BMERB1: variants seen among roughly 807,000 people sequenced by gnomAD.
BMERB1 encodes the protein bMERB domain containing 1.
BMERB1 carries 12 observed loss-of-function variants against 23.6 expected under a neutral mutation model. The ratio of observed to expected loss-of-function variants is 0.51; its 90% CI spans 0.33 to 0.82. The LOEUF is 0.82. BMERB1 is among the 40% of genes least tolerant of loss of function. The probability of loss-of-function intolerance (pLI) is 0.03; values close to 1 mark genes in which losing one functional copy is unlikely to be tolerated. For synonymous variants in BMERB1, 122 were observed against 96.6 expected (o/e 1.26, Z -1.54); for missense variants, 247 against 255.4 (o/e 0.97, Z 0.22).
At chr16:15,540,416 C>T (rs2052067473) in intron 2 of BMERB1, among the ~76,000 whole-genome samples, 1 of 151,800 alleles carries the variant, frequency 6.6e-6, no homozygotes, top group East Asian at 1.9e-4. Flanking sequence ...ATCCAAGCTA[C>T]TCAGGAGGCT....
chr16:15,501,287 CTTTTTTTTTTTTTT>C (rs71152437), intron 1 of BMERB1, among the ~76,000 whole-genome samples: 1 of 64,922 alleles, frequency 1.5e-5, no homozygotes, highest in Non-Finnish European at 2.9e-5. Flanking sequence ...GCTCTTTTTA[CTTTTTTTTTTTTTT>C]TTTTTTTTTT....
At chr16:15,531,079 T>C (rs1166820494) in intron 2 of BMERB1, among the ~76,000 whole-genome samples, 1 of 152,002 alleles carries the variant, frequency 6.6e-6, no homozygotes, top group Non-Finnish European at 1.5e-5. Context: ...TAATTTTTTT[T>C]TGTATTTTTA....
chr16:15,565,062 A>G (rs1205676208), intron 2 of BMERB1, among the ~76,000 whole-genome samples: 1 of 152,100 alleles, frequency 6.6e-6, no homozygotes, highest in African/African-American at 2.4e-5. Context: ...CAAAAAAAAA[A>G]AAAAGCACTC....
At chr16:15,557,138 C>T (rs371512073) in intron 2 of BMERB1, among the ~76,000 whole-genome samples, 3 of 152,108 alleles carry the variant, frequency 2.0e-5, no homozygotes, top group East Asian at 1.9e-4. Context: ...ATCACCTCTC[C>T]GCACCCAACG....
chr16:15,577,590 A>G lies in BMERB1; in HGVS notation c.305-3627A>G, dbSNP rs541223138. Among the ~76,000 whole-genome samples the G allele has an allele frequency of 2.0e-5, 3 of 152,358 alleles. No individual in the cohort carries two copies. In the East Asian group the frequency reaches 5.8e-4, roughly 29 times the overall value. On this transcript the variant is annotated intron_variant, in intron 3 of 5. Transcript: ENST00000300006. ...GGAAGACGGCCAAGTGGGTGATTTG[A>G]GAGATCCAAGTGCACCGCTTGACCT...
intron 3 of BMERB1, among the ~76,000 whole-genome samples, chr16:15,574,152 A>C (rs2030801697): frequency 6.6e-6 from 1 of 151,974 alleles, no homozygotes; most frequent in Non-Finnish European, 1.5e-5. Context: ...CACTCTCTTC[A>C]CAAGGTGACA....
chr16:15,549,419 G>A (rs1466452804), intron 2 of BMERB1, among the ~76,000 whole-genome samples: 2 of 151,668 alleles, frequency 1.3e-5, no homozygotes, highest in Admixed American at 6.6e-5. Flanking sequence ...GGTGGCTCAC[G>A]CCTGTAATCC....
intron 3 of BMERB1, among the ~76,000 whole-genome samples, chr16:15,576,296 C>G (rs1430120949): frequency 1.3e-5 from 2 of 152,072 alleles, no homozygotes; most frequent in Non-Finnish European, 2.9e-5. Flanking sequence ...ATCTGCCCGC[C>G]TCGGCCTACC....
intron 1 of BMERB1, among the ~76,000 whole-genome samples, chr16:15,510,267 C>T (rs1176637431): frequency 1.3e-5 from 2 of 152,074 alleles, no homozygotes; most frequent in Non-Finnish European, 2.9e-5. Context: ...TGGGGGGTGT[C>T]GGACTTAGAA....
Position 15,527,798 on chromosome 16 carries a change from A to G in BMERB1, c.230+12370A>G, listed in dbSNP as rs146862820. The stretch of plus-strand genomic sequence containing the variant: ...CTCATGATCCCCCCATCTAGTCCCA[A>G]TACCCACCAGCCCTAGCTCAGCAAA... On this transcript the variant is annotated intron_variant, in intron 2 of 5. Transcript: ENST00000300006. Among the ~76,000 whole-genome samples the G allele has an allele frequency of 4.6e-5, 7 of 152,218 alleles. No individual in the cohort carries two copies. The East Asian group carries it at 5.8e-4, about 13-fold the overall frequency.
intron 3 of BMERB1, among the ~76,000 whole-genome samples, chr16:15,573,009 G>C (rs2030768989): frequency 6.6e-6 from 1 of 152,204 alleles, no homozygotes; most frequent in Non-Finnish European, 1.5e-5. Flanking sequence ...ACGTGGAACT[G>C]TGAGTCCATT....
chr16:15,481,883 C>A (rs929639342), intron 1 of BMERB1, among the ~76,000 whole-genome samples: 6 of 151,652 alleles, frequency 4.0e-5, no homozygotes, highest in Non-Finnish European at 8.8e-5. Context: ...TGCCACCATG[C>A]CCGGCAAATT....
At chr16:15,570,737 T>C (rs1276419174) in intron 3 of BMERB1, among the ~76,000 whole-genome samples, 7 of 152,092 alleles carry the variant, frequency 4.6e-5, no homozygotes, top group South Asian at 2.1e-4. Context: ...ATTGTACTTA[T>C]AGCTATTTCT....
chr16:15,435,242 C>T (rs1220052689), intron 1 of BMERB1, among the ~76,000 whole-genome samples: 1 of 152,170 alleles, frequency 6.6e-6, no homozygotes, highest in African/African-American at 2.4e-5. Context: ...CCTGAAATTC[C>T]CAGCTTTTCC....
At chr16:15,586,066 A>AT (rs1017655631) in intron 5 of BMERB1, among the ~76,000 whole-genome samples, 8 of 152,048 alleles carry the variant, frequency 5.3e-5, no homozygotes, top group African/African-American at 7.2e-5. Flanking sequence ...GCCTTCTGAA[A>AT]TTTTTTTTTA....
intron 2 of BMERB1, among the ~76,000 whole-genome samples, chr16:15,541,522 G>T (rs1035328343): frequency 6.7e-6 from 1 of 149,358 alleles, no homozygotes; most frequent in African/African-American, 2.5e-5. Context: ...TGACCTCCTA[G>T]GAGTGAGCCT....
At chr16:15,462,302 C>T (rs1334664185) in intron 1 of BMERB1, among the ~76,000 whole-genome samples, 1 of 151,840 alleles carries the variant, frequency 6.6e-6, no homozygotes, top group Non-Finnish European at 1.5e-5. Flanking sequence ...CAGGTGCCCA[C>T]CACCACGCCT....
intron 2 of BMERB1, among the ~76,000 whole-genome samples, chr16:15,516,795 T>C (rs891010271): frequency 1.3e-5 from 2 of 152,180 alleles, no homozygotes; most frequent in African/African-American, 2.4e-5. Flanking sequence ...AATGGGGAGT[T>C]AGGGTTCAGA....
intron 1 of BMERB1, among the ~76,000 whole-genome samples, chr16:15,438,230 G>A (rs2050905783): frequency 6.6e-6 from 1 of 151,030 alleles, no homozygotes; most frequent in Admixed American, 6.6e-5. Context: ...GGGACTACAG[G>A]CGCCTGCCAC....
Sources: allele counts gnomAD v4.1 joint callset (sites outside exome capture counted in the v4.1 genomes callset), GRCh38; gene constraint gnomAD v4.1.1; transcripts MANE v1.5; gene names NCBI Gene and HGNC (gene_info 2026-07-23, HGNC 2026-07-21).